EMB: variants seen among roughly 807,000 people sequenced by gnomAD.
EMB encodes embigin homolog.
A neutral mutation model predicts 41.4 loss-of-function variants in EMB; 31 were observed. That is an observed-to-expected ratio of 0.75 (90% CI 0.56 to 1.01). The LOEUF (loss-of-function observed/expected upper bound fraction) is 1.01, where lower values mean the gene tolerates loss of function less well. Among genes scored for constraint, EMB ranks in the 50% least tolerant of loss-of-function variants. EMB has a pLI of 0.00. For missense variants in EMB, 379 were observed against 388.3 expected (o/e 0.98, Z 0.20); for synonymous variants, 137 against 140.4 (o/e 0.98, Z 0.17).
chr5:50,441,110 C>T lies in EMB; in HGVS notation c.42G>A (p.Thr14=), dbSNP rs1561143739. 2 of 1,516,424 alleles carry T rather than the reference C, an allele frequency of 1.3e-6. No homozygotes were observed. The highest frequency in any genetic ancestry group is 2.8e-5 in the African/African-American group (2 of 70,572). The allele number at this position is 1,516,424 out of a possible 1,614,324, so 93.9% of individuals were successfully genotyped here. ...LPGLLEARAR[T]PRLLLLQCLL... ...GGCACTGGAGGAGGAGCAGCCGGGG[C>T]GTACGCGCCCTGGCCTCCAGCAGGC... Residue 14 remains threonine, a synonymous_variant, in exon 1 of 9, where the codon ACG becomes ACA. Coordinates refer to ENST00000303221, the MANE Select transcript of EMB (RefSeq NM_198449.3).
intron 1 of EMB, among the ~76,000 whole-genome samples, chr5:50,434,157 G>T (rs1231389399): frequency 6.6e-6 from 1 of 152,020 alleles, no homozygotes; most frequent in Non-Finnish European, 1.5e-5. Context: ...ATCTTTTTGG[G>T]GTGTACAATT....
chr5:50,417,636 A>C (rs1178019109), intron 2 of EMB, among the ~76,000 whole-genome samples: 3 of 152,250 alleles, frequency 2.0e-5, no homozygotes, highest in Non-Finnish European at 2.9e-5. Context: ...AAAATGTAGT[A>C]CATATACCTT....
chr5:50,441,835 G>A (rs1376906940), upstream of EMB, among the ~76,000 whole-genome samples: 1 of 152,072 alleles, frequency 6.6e-6, no homozygotes, highest in Non-Finnish European at 1.5e-5. Context: ...ATTTTTGTTT[G>A]TTAAGCCTAA....
chr5:50,410,315 T>C (rs896840459), intron 4 of EMB, among the ~76,000 whole-genome samples: 4 of 152,096 alleles, frequency 2.6e-5, no homozygotes, highest in Non-Finnish European at 5.9e-5. Context: ...GGTTTAATGA[T>C]GGTAACAGTA....
chr5:50,443,177 A>G (rs1026386563), upstream of EMB: 2 of 152,044 alleles, frequency 1.3e-5, no homozygotes, highest in African/African-American at 4.8e-5. Flanking sequence ...AACTTTTTCT[A>G]TCCCTGATTC....
At chr5:50,404,253 G>T (rs1432120055) in intron 5 of EMB, among the ~76,000 whole-genome samples, 1 of 151,784 alleles carries the variant, frequency 6.6e-6, no homozygotes, top group Non-Finnish European at 1.5e-5. Flanking sequence ...GCTTATCCAA[G>T]GAATAATTAT....
chr5:50,407,186 A>C, intron 4 of EMB, among the ~76,000 whole-genome samples: 1 of 152,018 alleles, frequency 6.6e-6, no homozygotes, highest in Non-Finnish European at 1.5e-5. Flanking sequence ...ATGCTTTAGC[A>C]TGAAAATATG....
chr5:50,416,286 A>G (rs1745430576), intron 2 of EMB, among the ~76,000 whole-genome samples: 1 of 152,156 alleles, frequency 6.6e-6, no homozygotes, highest in South Asian at 2.1e-4. Context: ...AACGATAACA[A>G]TTTGTTGTTT....
chr5:50,412,179 C>T (rs557177733), intron 2 of EMB, among the ~76,000 whole-genome samples: 1 of 151,740 alleles, frequency 6.6e-6, no homozygotes, highest in South Asian at 2.1e-4. Context: ...AAGGAGCTAA[C>T]CCTTAGAGAA....
intron 7 of EMB, among the ~76,000 whole-genome samples, chr5:50,400,962 A>G (rs1251849848): frequency 1.3e-5 from 2 of 152,056 alleles, no homozygotes; most frequent in Non-Finnish European, 2.9e-5. Context: ...AGCTCGGAGA[A>G]TAGAGGAATC....
At chr5:50,400,412 C>A (rs1411867083) in intron 7 of EMB, among the ~76,000 whole-genome samples, 1 of 151,868 alleles carries the variant, frequency 6.6e-6, no homozygotes, top group Non-Finnish European at 1.5e-5. Context: ...ATAATGAATA[C>A]CTTGCCCTTC....
intron 1 of EMB, among the ~76,000 whole-genome samples, chr5:50,431,172 A>C (rs1193058498): frequency 1.3e-5 from 2 of 152,200 alleles, no homozygotes; most frequent in African/African-American, 4.8e-5. Flanking sequence ...CCAAGTGCAA[A>C]AGAACACGTG....
At chr5:50,433,958 G>A (rs1295994481) in intron 1 of EMB, among the ~76,000 whole-genome samples, 1 of 152,068 alleles carries the variant, frequency 6.6e-6, no homozygotes, top group Non-Finnish European at 1.5e-5. Flanking sequence ...GTCTTTACAT[G>A]ATCATCCTCC....
At chr5:50,417,134 G>A (rs1474142991) in intron 2 of EMB, among the ~76,000 whole-genome samples, 3 of 152,116 alleles carry the variant, frequency 2.0e-5, no homozygotes, top group Non-Finnish European at 2.9e-5. Context: ...CCCAATGTTC[G>A]GATTCACCTG....
chr5:50,420,108 T>C (rs1422047200), intron 2 of EMB, among the ~76,000 whole-genome samples: 1 of 152,004 alleles, frequency 6.6e-6, no homozygotes. Flanking sequence ...GATTGATAGG[T>C]GCAGCAAACC....
chr5:50,410,545 T>C (rs1745318941), intron 4 of EMB, among the ~76,000 whole-genome samples: 1 of 152,022 alleles, frequency 6.6e-6, no homozygotes, highest in East Asian at 1.9e-4. Context: ...CCACAATAAC[T>C]TAGAAACGTG....
chr5:50,408,628 G>C (rs1745285012), intron 4 of EMB, among the ~76,000 whole-genome samples: 2 of 151,762 alleles, frequency 1.3e-5, no homozygotes. Flanking sequence ...ATTTATCTTT[G>C]GTTCAATTTA....
intron 2 of EMB, among the ~76,000 whole-genome samples, chr5:50,413,917 C>T (rs879616287): frequency 5.3e-5 from 8 of 151,980 alleles, no homozygotes; most frequent in African/African-American, 9.7e-5. Flanking sequence ...TTGTATCGGA[C>T]GTCAGGTGCT....
upstream of EMB, chr5:50,441,403 G>A: frequency 3.1e-6 from 1 of 317,842 alleles, no homozygotes. Context: ...CCGGATGTGC[G>A]GTGGCGGTGC....
Sources: gnomAD v4.1 joint callset for allele counts (sites outside exome capture counted in the v4.1 genomes callset) on GRCh38, gnomAD v4.1.1 for gene constraint, MANE v1.5 for transcripts, NCBI Gene and HGNC (gene_info 2026-07-23, HGNC 2026-07-21) for gene names.